The following PAK1 variants were observed in gnomAD, a reference collection of about 807,000 sequenced individuals.
The protein encoded by PAK1 is p21 (RAC1) activated kinase 1.
In PAK1, 29 loss-of-function variants were observed where a neutral mutation model predicts 67.4. The observed-to-expected ratio is 0.43, with a 90% CI of 0.32 to 0.59. PAK1 has a LOEUF of 0.59. Among genes scored for constraint, PAK1 ranks in the 20% least tolerant of loss-of-function variants. PAK1 has a pLI of 0.07. For synonymous variants in PAK1, 223 were observed against 237.4 expected (o/e 0.94, Z 0.56); for missense variants, 337 against 670.7 (o/e 0.50, Z 5.50).
intron 2 of PAK1, among the ~76,000 whole-genome samples, chr11:77,386,860 G>A (rs1950509037): frequency 6.6e-6 from 1 of 152,056 alleles, no homozygotes; most frequent in South Asian, 2.1e-4. Flanking sequence ...TGCAACCTCT[G>A]CCTCCTGGGT....
At chr11:77,444,009 ATC>A (rs1386313533) in intron 1 of PAK1, among the ~76,000 whole-genome samples, 2 of 152,224 alleles carry the variant, frequency 1.3e-5, no homozygotes, top group African/African-American at 4.8e-5. Context: ...AGTTTCAATT[ATC>A]TCTCTTCTAT....
At chr11:77,507,950 C>T in the PAK1 span, among the ~76,000 whole-genome samples, 5 of 152,148 alleles carry the variant, frequency 3.3e-5, no homozygotes, top group African/African-American at 1.2e-4. Context: ...AACCACCATC[C>T]AGATCTCTCC....
At chr11:77,413,112 G>A (rs1237327501) in intron 1 of PAK1, among the ~76,000 whole-genome samples, 1 of 152,130 alleles carries the variant, frequency 6.6e-6, no homozygotes, top group South Asian at 2.1e-4. Context: ...CAGATTATGC[G>A]GTGTCTCTTT....
chr11:77,381,176 TAG>T (rs34662190), intron 2 of PAK1, among the ~76,000 whole-genome samples: 23,741 of 134,966 alleles, frequency 0.18, 2,104 homozygotes, highest in Non-Finnish European at 0.24. Flanking sequence ...TGTGTGTGTG[TAG>T]AGAGAGAGAG....
At chr11:77,443,529 T>C (rs1421930358) in intron 1 of PAK1, among the ~76,000 whole-genome samples, 1 of 152,128 alleles carries the variant, frequency 6.6e-6, no homozygotes, top group East Asian at 1.9e-4. Context: ...CCAGTGCTTA[T>C]TAGGTATCAA....
chr11:77,351,291 CTCATATA>C (rs1258208109), intron 8 of PAK1, among the ~76,000 whole-genome samples: 1 of 150,120 alleles, frequency 6.7e-6, no homozygotes, highest in African/African-American at 2.5e-5. Flanking sequence ...ATTTATAGGT[CTCATATA>C]TCAGTAACTA....
At chr11:77,381,176 TAGAGAG>T (rs34662190) in intron 2 of PAK1, among the ~76,000 whole-genome samples, 3 of 135,352 alleles carry the variant, frequency 2.2e-5, no homozygotes, top group Non-Finnish European at 3.2e-5. Context: ...TGTGTGTGTG[TAGAGAG>T]AGAGAGAGAA....
At chr11:77,343,338 T>TAAA (rs1395935124) in intron 10 of PAK1, among the ~76,000 whole-genome samples, 1 of 151,630 alleles carries the variant, frequency 6.6e-6, no homozygotes, top group Non-Finnish European at 1.5e-5. Context: ...ACCTAAAAGA[T>TAAA]AAAACAAGAA....
intron 1 of PAK1, among the ~76,000 whole-genome samples, chr11:77,468,222 CT>C (rs1565724966): frequency 6.6e-6 from 1 of 152,138 alleles, no homozygotes; most frequent in African/African-American, 2.4e-5. Context: ...TGCAAATTAC[CT>C]AACTCTGACT....
intron 1 of PAK1, among the ~76,000 whole-genome samples, chr11:77,438,229 G>C (rs184518690): frequency 4.6e-5 from 7 of 152,234 alleles, no homozygotes; most frequent in Admixed American, 3.3e-4. Flanking sequence ...GCAAGAGAGA[G>C]GGGTGCAAGA....
chr11:77,508,656 A>AT, the PAK1 span, among the ~76,000 whole-genome samples: 465 of 127,936 alleles, frequency 3.6e-3, no homozygotes, highest in Middle Eastern at 8.1e-3. Flanking sequence ...CTACATAGAG[A>AT]TTCTTTTTTT....
chr11:77,382,772 CG>C (rs1949997025), intron 2 of PAK1, among the ~76,000 whole-genome samples: 2 of 152,016 alleles, frequency 1.3e-5, no homozygotes, highest in Non-Finnish European at 2.9e-5. Context: ...CTGAAGCAGG[CG>C]GATCACTTGA....
chr11:77,482,690 C>A, the PAK1 span, among the ~76,000 whole-genome samples: 1 of 151,178 alleles, frequency 6.6e-6, no homozygotes, highest in Non-Finnish European at 1.5e-5. Flanking sequence ...ACCTCCTGAG[C>A]TCAAGCAATC....
rs151195586 is a variant in PAK1, at chr11:77,464,368, C to T, written c.-22+9184G>A. On this transcript the variant is annotated intron_variant, in intron 1 of 14. Transcript: ENST00000356341. ...TTCCTTATCACTCCAAAATTCTCTA[C>T]ATTAGTCCTTTATCTCTTTTGTAGG... Among the ~76,000 whole-genome samples the T allele has an allele frequency of 7.9e-4, 120 of 152,346 alleles. 1 individual carries two copies. In the East Asian group the frequency reaches 0.017, roughly 22 times the overall value.
intron 6 of PAK1, chr11:77,356,162 CTTCCCCAAGCTAAAAGAAATATCCTGTA>C: frequency 5.0e-6 from 1 of 198,362 alleles, no homozygotes; most frequent in East Asian, 1.0e-4. Flanking sequence ...ATATTTTATG[CTTCCCCAAGCTAAAAGAAATATCCTGTA>C]TTCCCCAAGC....
chr11:77,400,181 C>T (rs145809790), intron 1 of PAK1, among the ~76,000 whole-genome samples: 1 of 151,648 alleles, frequency 6.6e-6, no homozygotes, highest in East Asian at 2.0e-4. Context: ...GAATGATTTT[C>T]ATGGAGAAAG....
At chr11:77,366,828 C>T (rs1947654051) in intron 5 of PAK1, among the ~76,000 whole-genome samples, 1 of 152,144 alleles carries the variant, frequency 6.6e-6, no homozygotes, top group East Asian at 1.9e-4. Context: ...AACCACATGC[C>T]CCAGCAGTTC....
At chr11:77,421,247 A>C (rs1488853675) in intron 1 of PAK1, among the ~76,000 whole-genome samples, 2 of 151,718 alleles carry the variant, frequency 1.3e-5, no homozygotes, top group African/African-American at 4.8e-5. Flanking sequence ...GGCTATATAC[A>C]CTCTCTCCTC....
chr11:77,354,151 A>G (rs1945679698), intron 7 of PAK1, among the ~76,000 whole-genome samples: 2 of 152,194 alleles, frequency 1.3e-5, no homozygotes, highest in South Asian at 4.1e-4. Context: ...GGTTTACAAC[A>G]AAGAATATTT....
Sources: allele counts gnomAD v4.1 joint callset (sites outside exome capture counted in the v4.1 genomes callset), GRCh38; gene constraint gnomAD v4.1.1; transcripts MANE v1.5; gene names NCBI Gene and HGNC (gene_info 2026-07-23, HGNC 2026-07-21).